The following CNTNAP2 variants were observed in gnomAD, a reference collection of about 807,000 sequenced individuals.
CNTNAP2 encodes the protein contactin-associated protein-like 2.
CNTNAP2 carries 98 observed loss-of-function variants against 155.2 expected under a neutral mutation model. The ratio of observed to expected loss-of-function variants is 0.63; its 90% confidence interval spans 0.54 to 0.75. CNTNAP2 has a LOEUF of 0.75. CNTNAP2 is among the 30% of genes least tolerant of loss of function. CNTNAP2 has a pLI of 0.00. For synonymous variants in CNTNAP2, 651 were observed against 631.2 expected (o/e 1.03, Z -0.47); for missense variants, 1,727 against 1,688.1 (o/e 1.02, Z -0.40).
intron 1 of CNTNAP2, among the ~76,000 whole-genome samples, chr7:146,222,590 G>A (rs1223611101): frequency 6.6e-6 from 1 of 151,206 alleles, no homozygotes; most frequent in Non-Finnish European, 1.5e-5. Context: ...GCACATGTAT[G>A]TAGGTATATG....
chr7:148,316,542 A>C (rs944229453), intron 21 of CNTNAP2, among the ~76,000 whole-genome samples: 1 of 152,210 alleles, frequency 6.6e-6, no homozygotes, highest in African/African-American at 2.4e-5. Flanking sequence ...CTAGGTAGGC[A>C]CAAATAATAC....
chr7:147,034,554 C>T (rs992588418), intron 3 of CNTNAP2, among the ~76,000 whole-genome samples: 1 of 152,160 alleles, frequency 6.6e-6, no homozygotes, highest in Non-Finnish European at 1.5e-5. Context: ...AATTAGACCC[C>T]CTGCCTTACT....
At chr7:147,463,057 G>C (rs775526970) in intron 10 of CNTNAP2, among the ~76,000 whole-genome samples, 1 of 152,300 alleles carries the variant, frequency 6.6e-6, no homozygotes, top group African/African-American at 2.4e-5. Flanking sequence ...AAGAGTAAGC[G>C]TGTAAGTCAC....
At position 148,085,014 on chromosome 7, in the gene CNTNAP2, G is replaced by A. The variant is rs1286062369; in HGVS notation, c.2384-33104G>A. Among the ~76,000 whole-genome samples the A allele has an allele frequency of 2.0e-5, 3 of 152,196 alleles. No individual in the cohort carries two copies. The East Asian group carries it at 5.8e-4, about 29-fold the overall frequency. On this transcript the variant is annotated intron_variant, in intron 15 of 23. Transcript: ENST00000361727. The stretch of plus-strand genomic sequence containing the variant: ...GGTCAATTTCAGGCTAGTGATAAAA[G>A]TTTGAGTAATGGGAAAGCTGTGTTG...
chr7:148,060,391 G>A (rs1437576418), intron 15 of CNTNAP2, among the ~76,000 whole-genome samples: 1 of 152,024 alleles, frequency 6.6e-6, no homozygotes, highest in African/African-American at 2.4e-5. Flanking sequence ...AATATTAAAT[G>A]ACCTGAAGCT....
At chr7:148,200,434 T>C (rs1795350509) in intron 18 of CNTNAP2, among the ~76,000 whole-genome samples, 1 of 151,562 alleles carries the variant, frequency 6.6e-6, no homozygotes, top group Non-Finnish European at 1.5e-5. Flanking sequence ...GACCTCTGTC[T>C]CCCAGGCTAG....
intron 1 of CNTNAP2, among the ~76,000 whole-genome samples, chr7:146,553,702 A>G (rs910505906): frequency 6.6e-6 from 1 of 152,170 alleles, no homozygotes; most frequent in African/African-American, 2.4e-5. Context: ...CTATGCAAAT[A>G]TATTTTTAAA....
intron 13 of CNTNAP2, among the ~76,000 whole-genome samples, chr7:147,765,891 A>C (rs547351673): frequency 6.6e-6 from 1 of 152,202 alleles, no homozygotes; most frequent in Non-Finnish European, 1.5e-5. Context: ...CAGCCAAAAA[A>C]GGGAGGAAAG....
intron 10 of CNTNAP2, among the ~76,000 whole-genome samples, chr7:147,479,918 T>C (rs1798392298): frequency 6.6e-6 from 1 of 152,094 alleles, no homozygotes; most frequent in Non-Finnish European, 1.5e-5. Flanking sequence ...ATTGTGATTA[T>C]TTTTCTAAAT....
Position 146,468,809 on chromosome 7 carries a change from T to C in CNTNAP2, c.98-305462T>C, listed in dbSNP as rs560480348. 3.1e-4 allele frequency among the ~76,000 whole-genome samples: 47 copies of C among 152,182 alleles called. 2 individuals carry two copies. In the Middle Eastern group the frequency reaches 0.031, roughly 99 times the overall value. On this transcript the variant is annotated intron_variant, in intron 1 of 23. Transcript: ENST00000361727. ...GGAATCTGGAAGGAGTTTAAAAAACTCTGCAAAATGAAAATTATAGACTGA... is the reference window on the plus strand; with the variant it reads ...GGAATCTGGAAGGAGTTTAAAAAACCCTGCAAAATGAAAATTATAGACTGA...
intron 23 of CNTNAP2, chr7:148,414,878 G>A (rs1230083968): frequency 6.1e-6 from 1 of 163,396 alleles, no homozygotes; most frequent in East Asian, 1.7e-4. Context: ...CTGGCCTGTG[G>A]ACTTTTATTC....
intron 1 of CNTNAP2, among the ~76,000 whole-genome samples, chr7:146,355,709 AAATATCATTTCAT>A (rs1794987635): frequency 6.6e-6 from 1 of 152,196 alleles, no homozygotes; most frequent in African/African-American, 2.4e-5. Flanking sequence ...TACTTTTGTG[AAATATCATTTCAT>A]TTTATTATGA....
intron 15 of CNTNAP2, among the ~76,000 whole-genome samples, chr7:148,034,342 C>G (rs1802535058): frequency 6.6e-6 from 1 of 152,080 alleles, no homozygotes; most frequent in African/African-American, 2.4e-5. Context: ...AAGGTTGACC[C>G]CCAATGCAGG....
At chr7:146,651,652 A>G (rs1027040596) in intron 1 of CNTNAP2, among the ~76,000 whole-genome samples, 4 of 152,200 alleles carry the variant, frequency 2.6e-5, no homozygotes, top group Admixed American at 6.6e-5. Flanking sequence ...ACACCAAGAT[A>G]AGAATAAGGC....
chr7:147,870,514 C>G (rs901119794), intron 13 of CNTNAP2, among the ~76,000 whole-genome samples: 3 of 152,276 alleles, frequency 2.0e-5, no homozygotes, highest in Non-Finnish European at 2.9e-5. Context: ...ACTCCTGCAC[C>G]AGGAAGTTGA....
At chr7:147,219,073 G>GC (rs1584799300) in intron 8 of CNTNAP2, among the ~76,000 whole-genome samples, 1 of 152,184 alleles carries the variant, frequency 6.6e-6, no homozygotes, top group East Asian at 1.9e-4. Flanking sequence ...CTTTCTTGCT[G>GC]CATTATCCAA....
At chr7:148,088,493 C>G (rs773399266) in intron 15 of CNTNAP2, among the ~76,000 whole-genome samples, 1 of 151,674 alleles carries the variant, frequency 6.6e-6, no homozygotes, top group Non-Finnish European at 1.5e-5. Context: ...GACATCATAA[C>G]CTATACCACA....
intron 1 of CNTNAP2, among the ~76,000 whole-genome samples, chr7:146,577,456 G>A (rs1016847710): frequency 1.3e-5 from 2 of 152,024 alleles, no homozygotes; most frequent in African/African-American, 4.8e-5. Context: ...CAAAATAGTG[G>A]TAATAATTAT....
intron 8 of CNTNAP2, among the ~76,000 whole-genome samples, chr7:147,159,960 C>G (rs1437151887): frequency 6.6e-6 from 1 of 151,578 alleles, no homozygotes; most frequent in South Asian, 2.1e-4. Context: ...ACAAAAGTTG[C>G]AAAACAGAAG....
Sources: allele counts gnomAD v4.1 joint callset (sites outside exome capture counted in the v4.1 genomes callset), GRCh38; gene constraint gnomAD v4.1.1; transcripts MANE v1.5; gene names NCBI Gene and HGNC (gene_info 2026-07-23, HGNC 2026-07-21).